KLHL4: variants seen among roughly 807,000 people sequenced by gnomAD.
KLHL4 encodes kelch-like protein 4.
A neutral mutation model predicts 45.8 loss-of-function variants in KLHL4; 17 were observed. The observed-to-expected ratio is 0.37, with a 90% CI of 0.25 to 0.56. The LOEUF (loss-of-function observed/expected upper bound fraction) is 0.56. KLHL4 is among the 20% of genes least tolerant of loss of function. The pLI is 0.79. For synonymous variants in KLHL4, 224 were observed against 189.9 expected, an observed-to-expected ratio of 1.18 and a Z score of -1.47; for missense variants, 544 against 544.9, an observed-to-expected ratio of 1.00 and a Z score of 0.02.
intron 1 of KLHL4, among the ~76,000 whole-genome samples, chrX:87,591,352 G>A (rs1250782906): frequency 3.6e-5 from 4 of 111,696 alleles, no homozygotes; most frequent in Non-Finnish European, 5.7e-5. Flanking sequence ...CTTTTTACTC[G>A]TATAAATTTA....
chrX:87,662,515 T>C (rs1459274994), intron 9 of KLHL4, among the ~76,000 whole-genome samples: 2 of 111,985 alleles, frequency 1.8e-5, no homozygotes, highest in East Asian at 5.6e-4. Flanking sequence ...TGGAAATCAA[T>C]TCTATTTCTA....
At chrX:87,541,801 G>A (rs1248006172) in intron 1 of KLHL4, among the ~76,000 whole-genome samples, 1 of 111,614 alleles carries the variant, frequency 9.0e-6, no homozygotes, top group East Asian at 2.8e-4. Flanking sequence ...GTAACAGGCA[G>A]AGCTTGGAAC....
chrX:87,615,080 T>C (rs1160272745), intron 3 of KLHL4, among the ~76,000 whole-genome samples: 1 of 111,501 alleles, frequency 9.0e-6, no homozygotes, highest in Non-Finnish European at 1.9e-5. Flanking sequence ...CCTCAGGGTC[T>C]CTTAGTATTA....
intron 1 of KLHL4, among the ~76,000 whole-genome samples, chrX:87,520,310 G>A (rs1369790952): frequency 8.9e-6 from 1 of 112,228 alleles, no homozygotes; most frequent in African/African-American, 3.2e-5. Flanking sequence ...TTGGCAGCAG[G>A]CTGCCATCCC....
chrX:87,632,774 T>C (rs867550861), intron 7 of KLHL4, among the ~76,000 whole-genome samples: 2 of 111,787 alleles, frequency 1.8e-5, no homozygotes, highest in South Asian at 7.5e-4. Context: ...AGGGATTGTG[T>C]TTCTAGTTAG....
chrX:87,576,475 A>G (rs920643822), intron 1 of KLHL4, among the ~76,000 whole-genome samples: 2 of 111,229 alleles, frequency 1.8e-5, no homozygotes, highest in East Asian at 5.6e-4. Flanking sequence ...TTGAAATGTC[A>G]CTCTAGACCT....
At chrX:87,523,962 CA>C (rs1387908909) in intron 1 of KLHL4, among the ~76,000 whole-genome samples, 1 of 109,246 alleles carries the variant, frequency 9.2e-6, no homozygotes, top group African/African-American at 3.3e-5. Context: ...AACTCCGTCT[CA>C]AAAAAATAAA....
At chrX:87,612,213 C>T (rs984415527) in intron 1 of KLHL4, among the ~76,000 whole-genome samples, 8 of 111,813 alleles carry the variant, frequency 7.2e-5, no homozygotes, top group Non-Finnish European at 7.5e-5. Flanking sequence ...CATTAACTCA[C>T]CATTCACTTA....
At chrX:87,580,893 C>A (rs1459229520) in intron 1 of KLHL4, among the ~76,000 whole-genome samples, 1 of 111,828 alleles carries the variant, frequency 8.9e-6, no homozygotes, top group African/African-American at 3.3e-5. Flanking sequence ...CAGGACCTCC[C>A]AGCTAGGGCC....
Position 87,669,355 on chromosome X carries a change from C to T in KLHL4, c.*2821C>T, listed in dbSNP as rs12013438. The T allele has an allele frequency of 8.3e-7, 1 of 1,207,621 alleles. No individual in the cohort carries two copies. Among genetic ancestry groups the T allele is most frequent in the South Asian group, 1.8e-5 (1 of 56,831 alleles). ...GCATGCAAGAACTTCTACAAAACTT[C>T]TATACCACACAGAAGCTGAAAGAGA... On this transcript the variant is annotated 3_prime_UTR_variant, in exon 11 of 11. Coordinates refer to ENST00000373119, the MANE Select transcript of KLHL4 (RefSeq NM_019117.5).
In KLHL4 at chrX:87,622,345, G is replaced by A. The variant is rs1429751770; in HGVS notation, c.1059G>A (p.Val353=). The A allele has an allele frequency of 2.5e-6, 3 of 1,207,079 alleles. No individual in the cohort carries two copies. The highest frequency in any genetic ancestry group is 3.4e-6 in the Non-Finnish European group (3 of 893,149). The change falls in exon 5 of 11, where the codon GTG becomes GTA. Residue 353 remains valine, a synonymous_variant. Transcript: ENST00000373119. ...TTTTTCATGCTCTAATGCAGTGGGTGGGGCATGATGTGCAGAATAGGCAAG... is the reference window on the plus strand; with the variant it reads ...TTTTTCATGCTCTAATGCAGTGGGTAGGGCATGATGTGCAGAATAGGCAAG... ...ETIFHALMQW[V]GHDVQNRQGE... is the part of the protein sequence containing the mutation.
At chrX:87,569,554 G>A (rs991673787) in intron 1 of KLHL4, among the ~76,000 whole-genome samples, 5 of 111,298 alleles carry the variant, frequency 4.5e-5, no homozygotes, top group African/African-American at 1.6e-4. Context: ...ATAGTCAAAA[G>A]GTGGAACTGA....
intron 9 of KLHL4, among the ~76,000 whole-genome samples, chrX:87,663,887 G>A (rs1297618003): frequency 8.9e-6 from 1 of 111,939 alleles, no homozygotes. Context: ...ACAGTGGTCA[G>A]AGGGGGTAAT....
intron 1 of KLHL4, among the ~76,000 whole-genome samples, chrX:87,565,685 CAAAAAAAAAAAA>C (rs748577568): frequency 2.7e-4 from 7 of 26,260 alleles, no homozygotes; most frequent in Non-Finnish European, 3.8e-4. Context: ...GTGATTGTGC[CAAAAAAAAAAAA>C]AAAAAAAAAA....
At chrX:87,655,834 T>C (rs1190704799) in intron 9 of KLHL4, among the ~76,000 whole-genome samples, 1 of 112,134 alleles carries the variant, frequency 8.9e-6, no homozygotes, top group Non-Finnish European at 1.9e-5. Flanking sequence ...ACAAATTTTG[T>C]ATCCATGTTT....
intron 1 of KLHL4, among the ~76,000 whole-genome samples, chrX:87,523,736 G>T (rs994470610): frequency 5.4e-5 from 6 of 111,581 alleles, no homozygotes; most frequent in African/African-American, 2.0e-4. Context: ...GCCGAGGCAG[G>T]CGGGTCACTT....
At chrX:87,614,729 A>G (rs1448297246) in intron 3 of KLHL4, among the ~76,000 whole-genome samples, 159 bp downstream of exon 3, 1 of 111,257 alleles carries the variant, frequency 9.0e-6, no homozygotes, top group Non-Finnish European at 1.9e-5. Flanking sequence ...TAAAGAATAG[A>G]TCAGTTAAAT....
chrX:87,557,497 G>T (rs772538810), intron 1 of KLHL4, among the ~76,000 whole-genome samples: 1 of 111,641 alleles, frequency 9.0e-6, no homozygotes, highest in Non-Finnish European at 1.9e-5. Flanking sequence ...TTTATGAAAT[G>T]AATGGGAATG....
intron 1 of KLHL4, among the ~76,000 whole-genome samples, chrX:87,528,824 C>T (rs1156303120): frequency 9.3e-6 from 1 of 107,716 alleles, no homozygotes; most frequent in Non-Finnish European, 1.9e-5. Flanking sequence ...CATCTTATCA[C>T]GATCATCCAG....
Sources: gnomAD v4.1 joint callset for allele counts (sites outside exome capture counted in the v4.1 genomes callset) on GRCh38, gnomAD v4.1.1 for gene constraint, MANE v1.5 for transcripts, NCBI Gene and HGNC (gene_info 2026-07-23, HGNC 2026-07-21) for gene names.